Variants in KCNMA1 observed in about 807,000 individuals in gnomAD.
The protein encoded by KCNMA1 is potassium calcium-activated channel subfamily M alpha 1, also known as Calcium-activated potassium channel subunit alpha-1.
A neutral mutation model predicts 140.0 loss-of-function variants in KCNMA1; 29 were observed. The observed-to-expected ratio is 0.21, with a 90% CI of 0.15 to 0.28. The LOEUF (loss-of-function observed/expected upper bound fraction) is 0.28. KCNMA1 is among the 10% of genes least tolerant of loss of function. The pLI is 1.00. For synonymous variants in KCNMA1, 612 were observed against 611.9 expected, an observed-to-expected ratio of 1.00 and a Z score of 0.00; for missense variants, 880 against 1,602.2, an observed-to-expected ratio of 0.55 and a Z score of 7.70.
chr10:77,609,536 A>G (rs1269572638), intron 1 of KCNMA1, among the ~76,000 whole-genome samples: 1 of 152,230 alleles, frequency 6.6e-6, no homozygotes, highest in Non-Finnish European at 1.5e-5. Flanking sequence ...TGGTGATAAC[A>G]ATTAATAACA....
At chr10:77,372,422 C>T (rs1460420941) in intron 2 of KCNMA1, among the ~76,000 whole-genome samples, 2 of 152,236 alleles carry the variant, frequency 1.3e-5, no homozygotes, top group Non-Finnish European at 2.9e-5. Flanking sequence ...ACCAGGCTGA[C>T]CATGCCCTTC....
At chr10:77,133,202 T>C (rs2097902170) in intron 5 of KCNMA1, among the ~76,000 whole-genome samples, 1 of 145,942 alleles carries the variant, frequency 6.9e-6, no homozygotes, top group African/African-American at 2.5e-5. Flanking sequence ...CTTCAGCCCA[T>C]CCAATGAAAA....
At chr10:77,574,752 G>A (rs926189391) in intron 1 of KCNMA1, among the ~76,000 whole-genome samples, 34 of 152,192 alleles carry the variant, frequency 2.2e-4, no homozygotes, top group African/African-American at 7.0e-4. Context: ...TAGAATGGTC[G>A]TGAGGATCAC....
At chr10:77,483,294 A>C (rs1237102372) in intron 1 of KCNMA1, among the ~76,000 whole-genome samples, 1 of 152,142 alleles carries the variant, frequency 6.6e-6, no homozygotes, top group East Asian at 1.9e-4. Context: ...TTTACAAGGG[A>C]AGGACATCCG....
At chr10:77,283,076 C>T (rs1356255) in intron 2 of KCNMA1, among the ~76,000 whole-genome samples, 127,437 of 152,110 alleles carry the variant, frequency 0.84, 53,555 homozygotes, top group Middle Eastern at 0.9. Flanking sequence ...AGACTTAGTT[C>T]AACTACCAGC....
intron 24 of KCNMA1, chr10:76,912,733 C>T (rs1304079394): frequency 2.0e-5 from 3 of 152,132 alleles, no homozygotes; most frequent in African/African-American, 7.2e-5. Flanking sequence ...CACGTGAATT[C>T]CAAATAGAAA....
chr10:77,229,910 T>C (rs764404257), intron 3 of KCNMA1, among the ~76,000 whole-genome samples: 1 of 152,206 alleles, frequency 6.6e-6, no homozygotes, highest in South Asian at 2.1e-4. Context: ...AGCTAAACAT[T>C]GAATTCCTAA....
chr10:77,391,831 T>C (rs1268194250), intron 2 of KCNMA1, among the ~76,000 whole-genome samples: 1 of 151,740 alleles, frequency 6.6e-6, no homozygotes, highest in African/African-American at 2.4e-5. Context: ...AAGCATGCAC[T>C]CCCCTGCAAC....
intron 1 of KCNMA1, among the ~76,000 whole-genome samples, chr10:77,555,091 C>T (rs1189239699): frequency 6.6e-6 from 1 of 151,894 alleles, no homozygotes; most frequent in East Asian, 1.9e-4. Flanking sequence ...GAAAACGCAT[C>T]AGATGAAGAA....
intron 2 of KCNMA1, among the ~76,000 whole-genome samples, chr10:77,370,474 C>G (rs1037806930): frequency 6.6e-6 from 1 of 152,142 alleles, no homozygotes; most frequent in Non-Finnish European, 1.5e-5. Context: ...TTCTAAACAC[C>G]CCTGCCGCTG....
intron 2 of KCNMA1, among the ~76,000 whole-genome samples, chr10:77,343,387 T>C (rs2091432058): frequency 6.6e-6 from 1 of 152,190 alleles, no homozygotes; most frequent in Non-Finnish European, 1.5e-5. Flanking sequence ...TTATCTAAGA[T>C]CACACAGGTG....
chr10:77,452,712 A>G (rs576325935), intron 1 of KCNMA1, among the ~76,000 whole-genome samples: 51 of 152,290 alleles, frequency 3.3e-4, no homozygotes, highest in African/African-American at 1.2e-3. Flanking sequence ...CCTTCTAAAA[A>G]TGAGGCCTTT....
downstream of KCNMA1, chr10:76,884,685 CA>C (rs1201671853): frequency 3.4e-6 from 1 of 292,336 alleles, no homozygotes; most frequent in East Asian, 6.0e-5. Flanking sequence ...AACACCAAAA[CA>C]AACTCTAAGG....
chr10:77,458,644 C>A (rs1209097083), intron 1 of KCNMA1, among the ~76,000 whole-genome samples: 1 of 151,980 alleles, frequency 6.6e-6, no homozygotes, highest in Non-Finnish European at 1.5e-5. Context: ...GGTAGTGATC[C>A]CAGGGGAGAA....
At chr10:76,891,324 A>C (rs1005368476) in intron 26 of KCNMA1, 16 of 607,298 alleles carry the variant, frequency 2.6e-5, no homozygotes, top group African/African-American at 5.5e-5. Context: ...AAGGGTTGCT[A>C]TGAAGATTAA....
At chr10:77,298,834 T>C (rs1303801746) in intron 2 of KCNMA1, among the ~76,000 whole-genome samples, 1 of 152,238 alleles carries the variant, frequency 6.6e-6, no homozygotes, top group Non-Finnish European at 1.5e-5. Flanking sequence ...GCTCCCATTG[T>C]GTGCAGGGCA....
chr10:77,572,106 A>C (rs971291520), intron 1 of KCNMA1, among the ~76,000 whole-genome samples: 1 of 152,162 alleles, frequency 6.6e-6, no homozygotes. Flanking sequence ...GAAAGAATCT[A>C]CAAAGACTGT....
intron 5 of KCNMA1, among the ~76,000 whole-genome samples, chr10:77,161,875 A>G (rs1039834293): frequency 3.9e-5 from 6 of 152,228 alleles, no homozygotes; most frequent in African/African-American, 1.2e-4. Flanking sequence ...TCCCATATCT[A>G]TAACTAGATT....
At chr10:77,608,521 G>A (rs1194908027) in intron 1 of KCNMA1, among the ~76,000 whole-genome samples, 1 of 152,090 alleles carries the variant, frequency 6.6e-6, no homozygotes, top group African/African-American at 2.4e-5. Context: ...CCCGGCCAAG[G>A]AGAGGATGCA....
Sources: allele counts gnomAD v4.1 joint callset (sites outside exome capture counted in the v4.1 genomes callset), GRCh38; gene constraint gnomAD v4.1.1; transcripts MANE v1.5; gene names NCBI Gene and HGNC (gene_info 2026-07-23, HGNC 2026-07-21).